Variants in EML2 observed in about 807,000 individuals in gnomAD.
EML2 encodes EMAP like 2, also known as echinoderm microtubule-associated protein-like 2.
A neutral mutation model predicts 84.7 loss-of-function variants in EML2; 59 were observed. That is an observed-to-expected ratio of 0.70 (90% CI 0.56 to 0.86). The LOEUF (loss-of-function observed/expected upper bound fraction) is 0.86, where lower values mean the gene tolerates loss of function less well. Ranked by LOEUF, EML2 falls within the 40% of genes least tolerant of loss-of-function variation. The pLI, the probability that EML2 is intolerant of heterozygous loss-of-function variation, is 0.00. For synonymous variants in EML2, 352 were observed against 348.9 expected (o/e 1.01, Z -0.10); for missense variants, 818 against 855.6 (o/e 0.96, Z 0.55).
intron 15 of EML2, chr19:45,616,252 G>A (rs1007801852): frequency 2.3e-5 from 13 of 570,696 alleles, no homozygotes; most frequent in South Asian, 4.4e-5. Flanking sequence ...CTACACAGAT[G>A]GGCTTAGCAC....
chr19:45,639,510 A>T, upstream of EML2: 1 of 885,400 alleles, frequency 1.1e-6, no homozygotes, highest in Non-Finnish European at 1.5e-6. Context: ...GGAGGGTCCC[A>T]CCGGGTCACA....
At position 45,638,510 on chromosome 19, in the gene EML2, C is replaced by T; in HGVS notation, c.174G>A (p.Glu58=). 6.2e-7 allele frequency: 1 copy of T among 1,614,116 alleles called. No homozygotes were observed. Among genetic ancestry groups the T allele is most frequent in the African/African-American group, 1.3e-5 (1 of 75,048 alleles). The stretch of plus-strand genomic sequence containing the variant: ...AGATTCCAGCAAAAGGATACACCCA[C>T]TCCAGCTTGAGCCGGCAAGAAGGCA... ...SELPSCRLKL[E]WVYGYRGRDC... The change falls in exon 3 of 19, where the codon GAG becomes GAA. Residue 58 remains glutamate, a synonymous_variant. Transcript: ENST00000245925.
upstream of EML2, chr19:45,645,168 T>A: frequency 1.5e-6 from 2 of 1,293,840 alleles, no homozygotes; most frequent in Non-Finnish European, 2.1e-6. Context: ...AAGGGGGATC[T>A]TCAGCAAGGG....
intron 11 of EML2, among the ~76,000 whole-genome samples, chr19:45,620,065 T>C (rs528749805): frequency 5.9e-5 from 9 of 152,174 alleles, no homozygotes; most frequent in African/African-American, 2.2e-4. Flanking sequence ...AACATGAGGA[T>C]AATTCAGAGA....
intron 11 of EML2, 174 bp downstream of exon 11, chr19:45,621,033 G>A (rs1232844100): frequency 9.8e-7 from 1 of 1,020,412 alleles, no homozygotes; most frequent in African/African-American, 1.6e-5. Context: ...TGTGCTTGGA[G>A]TTAAACTCTT....
chr19:45,641,440 A>G, upstream of EML2: 2 of 584,860 alleles, frequency 3.4e-6, no homozygotes, highest in Non-Finnish European at 6.1e-6. Context: ...CACGCCCCTC[A>G]ATATTGACTC....
At chr19:45,610,825 G>A (rs992377459) in intron 18 of EML2, among the ~76,000 whole-genome samples, 3 of 152,082 alleles carry the variant, frequency 2.0e-5, no homozygotes, top group African/African-American at 7.2e-5. Flanking sequence ...GGGCGATAGA[G>A]GGAGACTCTG....
chr19:45,639,561 G>GT, upstream of EML2: 1 of 469,970 alleles, frequency 2.1e-6, no homozygotes, highest in Non-Finnish European at 3.4e-6. Context: ...TTCTTTCGGG[G>GT]TGGGTGGGGG....
intron 18 of EML2, 48 bp from the exon 19 acceptor site, chr19:45,609,836 C>T: frequency 6.3e-7 from 1 of 1,596,680 alleles, no homozygotes; most frequent in South Asian, 1.1e-5. Context: ...GGGGACAATG[C>T]CACCCCATCA....
intron 18 of EML2, 105 bp from the exon 19 acceptor site, chr19:45,609,893 T>C: frequency 2.1e-6 from 3 of 1,405,622 alleles, no homozygotes; most frequent in Admixed American, 2.7e-5. Flanking sequence ...TCCTCTTTTT[T>C]TTTTTTTTTA....
intron 8 of EML2, 34 bp from the exon 9 acceptor site, chr19:45,624,852 G>A (rs376787097): frequency 7.3e-6 from 11 of 1,513,192 alleles, no homozygotes; most frequent in Middle Eastern, 1.8e-4. Flanking sequence ...GTGTCAGAGC[G>A]TCACTGAAGC....
intron 3 of EML2, among the ~76,000 whole-genome samples, chr19:45,635,583 CTTTTTTTTTTT>C (rs1172930803): frequency 6.5e-5 from 7 of 108,488 alleles, no homozygotes; most frequent in African/African-American, 1.8e-4. Context: ...TGTCTGTTTC[CTTTTTTTTTTT>C]TTTTTTTTTT....
chr19:45,634,254 GA>G, intron 4 of EML2, 67 bp downstream of exon 4: 1 of 1,601,848 alleles, frequency 6.2e-7, no homozygotes, highest in Non-Finnish European at 8.5e-7. Flanking sequence ...AAGAGGCATA[GA>G]GGGGCAGGGG....
chr19:45,641,933 G>A (rs560036111), upstream of EML2: 156 of 1,441,524 alleles, frequency 1.1e-4, no homozygotes, highest in African/African-American at 2.1e-3. Flanking sequence ...CCCGGAGGTC[G>A]CCTCCTTCTT....
chr19:45,641,092 C>G (rs1974437069), upstream of EML2: 1 of 154,216 alleles, frequency 6.5e-6, no homozygotes, highest in Non-Finnish European at 1.4e-5. Flanking sequence ...CACGCCCCTA[C>G]GGCCCCGCCC....
intron 1 of EML2, 105 bp downstream of exon 1, chr19:45,639,252 G>A: frequency 8.8e-7 from 1 of 1,133,770 alleles, no homozygotes; most frequent in South Asian, 2.0e-5. Flanking sequence ...AAGGGAAGGG[G>A]CGTGTCCCCA....
upstream of EML2, chr19:45,642,640 G>A: frequency 6.3e-6 from 5 of 798,732 alleles, no homozygotes; most frequent in Non-Finnish European, 8.3e-6. Flanking sequence ...GTGAACCCAG[G>A]AGCCTCTCGC....
intron 13 of EML2, 143 bp downstream of exon 13, chr19:45,617,487 G>C: frequency 3.0e-6 from 2 of 674,678 alleles, no homozygotes; most frequent in Non-Finnish European, 4.8e-6. Context: ...GAACCTGGGA[G>C]GCAGAGGCTG....
At chr19:45,636,421 TG>T (rs1973732805) in intron 3 of EML2, among the ~76,000 whole-genome samples, 1 of 152,162 alleles carries the variant, frequency 6.6e-6, no homozygotes, top group Non-Finnish European at 1.5e-5. Context: ...CTGTTTTTTT[TG>T]TTTGTTTGTT....
Sources: gnomAD v4.1 joint callset for allele counts (sites outside exome capture counted in the v4.1 genomes callset) on GRCh38, gnomAD v4.1.1 for gene constraint, MANE v1.5 for transcripts, NCBI Gene and HGNC (gene_info 2026-07-23, HGNC 2026-07-21) for gene names.